The following TRPV5 variants were observed in gnomAD, a reference collection of about 807,000 sequenced individuals.
The protein encoded by TRPV5 is calcium transport protein 2.
In TRPV5, 66 loss-of-function variants were observed where a neutral mutation model predicts 74.1. The ratio of observed to expected loss-of-function variants is 0.89; its 90% CI spans 0.73 to 1.09. TRPV5 has a LOEUF of 1.09. Among genes scored for constraint, TRPV5 ranks in the 50% least tolerant of loss-of-function variants. TRPV5 has a pLI of 0.00. For synonymous variants in TRPV5, 399 were observed against 360.7 expected (o/e 1.11, Z -1.20); for missense variants, 936 against 930.4 (o/e 1.01, Z -0.08).
intron 13 of TRPV5, 72 bp downstream of exon 13, chr7:142,912,410 C>T (rs1795713794): frequency 3.9e-6 from 6 of 1,552,008 alleles, no homozygotes; most frequent in South Asian, 2.5e-5. Flanking sequence ...GAATGATCCA[C>T]CATAACATTT....
chr7:142,920,234 T>C (rs1795862103), intron 8 of TRPV5, among the ~76,000 whole-genome samples: 1 of 152,242 alleles, frequency 6.6e-6, no homozygotes. Context: ...GTTAATTTCA[T>C]GTCCCAGTCT....
rs781411842 is a variant in TRPV5, at chr7:142,929,420, G to A, written c.487+8C>T. ...CCAACCATCCTTCAAGCCCAACCCT[G>A]CTCTCACCAAAGTAGATGAGGTTGC... On this transcript the variant is annotated splice_region_variant and intron_variant, in intron 4 of 14. Transcript: ENST00000265310. 1.2e-6 allele frequency: 2 copies of A among 1,613,624 alleles called. No homozygotes were observed. Among genetic ancestry groups the A allele is most frequent in the Non-Finnish European group, 1.7e-6 (2 of 1,179,644 alleles).
Position 142,933,430 on chromosome 7 carries a change from C to T in TRPV5, c.30G>A (p.Gly10=). 5.0e-6 allele frequency: 8 copies of T among 1,614,100 alleles called. No individual in the cohort carries two copies. The highest frequency in any genetic ancestry group is 6.8e-6 in the Non-Finnish European group (8 of 1,179,986). MGGFLPKAE[G]PGSQLQKLLP... ...GAAGTTTCTGGAGTTGGCTCCCGGG[C>T]CCTTCTGCCTTAGGTAGAAAACCCC... Residue 10 remains glycine (G), a synonymous_variant, in exon 1 of 15, where the codon GGG becomes GGA. Coordinates refer to ENST00000265310, the MANE Select transcript of TRPV5 (RefSeq NM_019841.7).
chr7:142,922,349 C>A (rs1035914402), intron 8 of TRPV5, among the ~76,000 whole-genome samples: 4 of 152,078 alleles, frequency 2.6e-5, no homozygotes, highest in Non-Finnish European at 5.9e-5. Flanking sequence ...GGAGATGTGA[C>A]GAGAAATTTG....
intron 7 of TRPV5, among the ~76,000 whole-genome samples, chr7:142,926,981 C>T (rs1795999330): frequency 6.6e-6 from 1 of 152,226 alleles, no homozygotes; most frequent in Non-Finnish European, 1.5e-5. Flanking sequence ...TCTTGGCACT[C>T]TCATGGAACG....
chr7:142,930,993 AAGTTC>A (rs1214538437), intron 1 of TRPV5, among the ~76,000 whole-genome samples: 5 of 150,164 alleles, frequency 3.3e-5, no homozygotes, highest in Non-Finnish European at 7.4e-5. Flanking sequence ...TGAGGCACTA[AAGTTC>A]TGACTACTCC....
intron 8 of TRPV5, among the ~76,000 whole-genome samples, chr7:142,917,792 A>G (rs1795824926): frequency 6.6e-6 from 1 of 151,918 alleles, no homozygotes; most frequent in Non-Finnish European, 1.5e-5. Flanking sequence ...AGTGCCACAG[A>G]CTCCTGAGAG....
intron 8 of TRPV5, among the ~76,000 whole-genome samples, chr7:142,924,380 A>G (rs1180479583): frequency 5.3e-5 from 6 of 113,376 alleles, no homozygotes; most frequent in Middle Eastern, 4.0e-3. Flanking sequence ...ATATACATAT[A>G]TATATATATA....
At chr7:142,928,267 A>G in intron 6 of TRPV5, 33 bp from the exon 7 acceptor site, 3 of 1,613,656 alleles carry the variant, frequency 1.9e-6, no homozygotes, top group Non-Finnish European at 2.5e-6. Flanking sequence ...CAGGGGGCCA[A>G]CGTGTGAGAA....
At chr7:142,923,396 G>T (rs1001851817) in intron 8 of TRPV5, among the ~76,000 whole-genome samples, 3 of 152,130 alleles carry the variant, frequency 2.0e-5, no homozygotes, top group Non-Finnish European at 2.9e-5. Context: ...AAGTTTAGGA[G>T]CCCCTGATCT....
chr7:142,908,326 G>A lies in TRPV5; in HGVS notation c.*188C>T, dbSNP rs1326353256. On this transcript the variant is annotated 3_prime_UTR_variant, in exon 15 of 15. Transcript: ENST00000265310. ...AGCCCAGAAAATACGTGAGACAATC[G>A]ATGACCATTGCCCATTGCCAGAAAT... 6.1e-6 allele frequency: 4 copies of A among 655,016 alleles called. No individual in the cohort carries two copies. Among genetic ancestry groups the A allele is most frequent in the Non-Finnish European group, 1.0e-5 (4 of 385,068 alleles). 40.6% of individuals were successfully genotyped at this position (655,016 alleles called of 1,614,324 possible). A position where few individuals can be genotyped will look rare whatever the true frequency, so the allele number is the denominator to read the frequency against.
intron 8 of TRPV5, among the ~76,000 whole-genome samples, chr7:142,919,835 A>G (rs1795855232): frequency 6.6e-6 from 1 of 152,206 alleles, no homozygotes; most frequent in Admixed American, 6.5e-5. Flanking sequence ...TGTGGAAAGG[A>G]TGGGGAACAT....
chr7:142,919,910 T>A (rs560535149), intron 8 of TRPV5, among the ~76,000 whole-genome samples: 2 of 152,292 alleles, frequency 1.3e-5, no homozygotes, highest in South Asian at 4.1e-4. Flanking sequence ...CTAGACCTTT[T>A]TCCCCCCCAT....
chr7:142,914,277 T>A (rs748702212), intron 12 of TRPV5, among the ~76,000 whole-genome samples: 12 of 152,220 alleles, frequency 7.9e-5, no homozygotes, highest in Non-Finnish European at 1.6e-4. Flanking sequence ...TGGCACTATC[T>A]CTGTTTGTCC....
At position 142,908,826 on chromosome 7, in the gene TRPV5, G is replaced by A; in HGVS notation, c.1896-18C>T. The A allele has an allele frequency of 1.2e-6, 2 of 1,601,900 alleles. No individual in the cohort carries two copies. Among genetic ancestry groups the A allele is most frequent in the South Asian group, 1.1e-5 (1 of 90,710 alleles). ...TCTCAACCCTGATAAGGGGAAAGGG[G>A]AAAGGACTCAATCCAGGTGGGGAGA... is the stretch of plus-strand genomic sequence containing the variant. On this transcript the variant is annotated intron_variant, in intron 14 of 14. Transcript: ENST00000265310.
At chr7:142,909,396 C>G in intron 14 of TRPV5, 94 bp downstream of exon 14, 1 of 1,330,150 alleles carries the variant, frequency 7.5e-7, no homozygotes, top group Non-Finnish European at 1.1e-6. Flanking sequence ...CTCCCCTAGA[C>G]AGGCTAATGT....
Position 142,933,327 on chromosome 7 carries a change from C to G in TRPV5, c.128+5G>C. The G allele has an allele frequency of 2.5e-6, 4 of 1,613,056 alleles. No individual in the cohort carries two copies. The highest frequency in any genetic ancestry group is 3.4e-6 in the Non-Finnish European group (4 of 1,179,818). ...TAGGGCCACGGATCGTTCTAGGAAG[C>G]CTACCTCTTCTGCTGCAGCATATGA... On this transcript the variant is annotated splice_donor_5th_base_variant and intron_variant, in intron 1 of 14. Transcript: ENST00000265310.
chr7:142,909,494 G>A lies in TRPV5; in HGVS notation c.1891C>T (p.Leu631=). The A allele has an allele frequency of 6.2e-7, 1 of 1,613,856 alleles. No homozygotes were observed. ...CATGTGCACACCATCACTCACCGCA[G>A]GAACCAGCGGTCCCCCAGCCCGAAT... ...CEFGLGDRWF[L]RVENHNDQNP... is the part of the protein sequence containing the mutation. The change falls in exon 14 of 15, where the codon CTG becomes TTG. Residue 631 remains leucine, a synonymous_variant. Coordinates refer to ENST00000265310, the MANE Select transcript of TRPV5 (RefSeq NM_019841.7).
At chr7:142,917,068 G>A (rs1223834153) in intron 8 of TRPV5, among the ~76,000 whole-genome samples, 1 of 151,134 alleles carries the variant, frequency 6.6e-6, no homozygotes, top group Non-Finnish European at 1.5e-5. Context: ...TTGTGTGTCT[G>A]GTTTTTTTTT....
Sources: gnomAD v4.1 joint callset for allele counts (sites outside exome capture counted in the v4.1 genomes callset) on GRCh38, gnomAD v4.1.1 for gene constraint, MANE v1.5 for transcripts, NCBI Gene and HGNC (gene_info 2026-07-23, HGNC 2026-07-21) for gene names.